Variants in TFEC observed in about 807,000 individuals in gnomAD.
The protein encoded by TFEC is transcription factor EC, also known as class E basic helix-loop-helix protein 34.
Under a neutral mutation model 41.6 loss-of-function variants are expected in TFEC, and 31 were observed. The observed-to-expected ratio is 0.74, with a 90% CI of 0.56 to 1.01. The LOEUF (loss-of-function observed/expected upper bound fraction) is 1.01. TFEC is among the 50% of genes least tolerant of loss of function. The pLI is 0.00. For missense variants in TFEC, 402 were observed against 404.1 expected (o/e 0.99, Z 0.04); for synonymous variants, 143 against 140.6 (o/e 1.02, Z -0.12).
intron 3 of TFEC, among the ~76,000 whole-genome samples, chr7:116,035,885 A>G (rs886441534): frequency 5.9e-5 from 9 of 152,172 alleles, no homozygotes; most frequent in Non-Finnish European, 1.2e-4. Flanking sequence ...AATTTCAAAT[A>G]CCTTAAAGAT....
intron 3 of TFEC, among the ~76,000 whole-genome samples, chr7:116,089,008 A>G (rs1449324471): frequency 2.0e-5 from 3 of 151,924 alleles, no homozygotes; most frequent in African/African-American, 4.8e-5. Flanking sequence ...CCTATTATTA[A>G]TCTCCTTGTG....
chr7:116,101,471 T>A (rs1310100099), intron 3 of TFEC, among the ~76,000 whole-genome samples: 3 of 152,178 alleles, frequency 2.0e-5, no homozygotes, highest in African/African-American at 7.2e-5. Context: ...AATCAGAAAG[T>A]AACAACTTTA....
At chr7:116,028,144 T>C (rs1795655573) in intron 1 of TFEC, among the ~76,000 whole-genome samples, 1 of 152,210 alleles carries the variant, frequency 6.6e-6, no homozygotes, top group South Asian at 2.1e-4. Context: ...ACATTTAACA[T>C]AAACTACCTC....
chr7:116,061,950 A>G (rs1796567471), intron 3 of TFEC, among the ~76,000 whole-genome samples: 1 of 152,140 alleles, frequency 6.6e-6, no homozygotes, highest in South Asian at 2.1e-4. Context: ...CTAAGTGTTA[A>G]TAAGGTTGTG....
Position 116,123,523 on chromosome 7 carries a change from C to CA in TFEC, c.-68-11486dup, listed in dbSNP as rs1004727654. Among the ~76,000 whole-genome samples the CA allele has an allele frequency of 4.3e-3, 633 of 148,920 alleles. 4 individuals are homozygous for CA. Among genetic ancestry groups the CA allele is most frequent in the African/African-American group, 0.012 (482 of 40,692 alleles). On this transcript the variant is annotated intron_variant, in intron 1 of 8. Coordinates refer to the TFEC transcript ENST00000484212. ...TCATTTTTGTCATGCCACTTCCCTA[C>CA]AAAAAAAAAATTGAATGCTTACGTG...
chr7:116,100,489 C>T (rs1797579208), intron 3 of TFEC, among the ~76,000 whole-genome samples: 1 of 152,016 alleles, frequency 6.6e-6, no homozygotes, highest in East Asian at 1.9e-4. Flanking sequence ...TGCTTTAGGG[C>T]ATAATTTGGT....
At chr7:116,071,520 C>T (rs1796828600) in intron 3 of TFEC, among the ~76,000 whole-genome samples, 1 of 151,264 alleles carries the variant, frequency 6.6e-6, no homozygotes, top group South Asian at 2.1e-4. Context: ...TTATTCTTAA[C>T]ATGATTTTAA....
intron 1 of TFEC, among the ~76,000 whole-genome samples, chr7:116,004,515 G>A (rs1794715116): frequency 6.6e-6 from 1 of 152,158 alleles, no homozygotes; most frequent in South Asian, 2.1e-4. Flanking sequence ...TCTGGTGAAG[G>A]TTATTGATAA....
At chr7:116,072,262 C>A (rs1256338326) in intron 3 of TFEC, among the ~76,000 whole-genome samples, 1 of 151,448 alleles carries the variant, frequency 6.6e-6, no homozygotes, top group African/African-American at 2.4e-5. Flanking sequence ...TTTATTGCTT[C>A]TTTTCCAATC....
chr7:116,136,813 A>C (rs1798442518), intron 1 of TFEC, among the ~76,000 whole-genome samples: 1 of 151,984 alleles, frequency 6.6e-6, no homozygotes, highest in South Asian at 2.1e-4. Flanking sequence ...ATCAGTATTT[A>C]ATTTTAGTGT....
At chr7:116,138,788 C>T (rs931164042) in intron 1 of TFEC, among the ~76,000 whole-genome samples, 1 of 152,116 alleles carries the variant, frequency 6.6e-6, no homozygotes, top group Non-Finnish European at 1.5e-5. Flanking sequence ...GTTCAGAAAA[C>T]TTTGGTAACA....
At chr7:115,983,346 A>T (rs1451232741) in intron 2 of TFEC, among the ~76,000 whole-genome samples, 2 of 152,102 alleles carry the variant, frequency 1.3e-5, no homozygotes, top group Non-Finnish European at 1.5e-5. Flanking sequence ...TGTTTAAAAA[A>T]ATTCTCTATC....
chr7:116,111,046 G>T, intron 2 of TFEC: 2 of 458,176 alleles, frequency 4.4e-6, no homozygotes, highest in Non-Finnish European at 7.2e-6. Flanking sequence ...ATTTGAAATA[G>T]AAAACAAACT....
In TFEC at chr7:115,956,634, T is replaced by A. The variant is rs780175209; in HGVS notation, c.382+45A>T. 3.6e-6 allele frequency: 5 copies of A among 1,395,954 alleles called. No individual in the cohort carries two copies. In the South Asian group the frequency reaches 6.2e-5, roughly 17 times the overall value. 86.5% of individuals were successfully genotyped at this position (1,395,954 alleles called of 1,614,324 possible). A position where few individuals can be genotyped will look rare whatever the true frequency, so the allele number is the denominator to read the frequency against. On this transcript the variant is annotated intron_variant, in intron 4 of 7. Transcript: ENST00000265440. ...CAATATATGTCACTCATAACTTATG[T>A]CATTAATAAAAATAAAAAGGGTAAA...
Position 116,009,590 on chromosome 7 carries a change from A to G in TFEC, c.-73+21043T>C, listed in dbSNP as rs566547899. ...TCACAGTATATTAGGGGAGATAAAT[A>G]TTTAAACATATAACTATAACACAAT... On this transcript the variant is annotated intron_variant, in intron 1 of 7. Coordinates refer to ENST00000265440, the MANE Select transcript of TFEC (RefSeq NM_012252.4). Among the ~76,000 whole-genome samples, 18 of 152,232 alleles carry G rather than the reference A, an allele frequency of 1.2e-4. No homozygotes were observed. In the East Asian group the frequency reaches 3.1e-3, roughly 26 times the overall value.
At chr7:116,149,700 G>T (rs1022675457) in intron 1 of TFEC, among the ~76,000 whole-genome samples, 1 of 152,092 alleles carries the variant, frequency 6.6e-6, no homozygotes, top group African/African-American at 2.4e-5. Flanking sequence ...ATGAAAACCA[G>T]CAATGTACAA....
rs10229962 is a variant in TFEC at position 115,938,070 on chromosome 7, G to T, written c.*2481C>A. ...CATAATCTGAATGTAGCAGCAAATA[G>T]CAGTTCCCTCTCCAGATCTCTTGTG... On this transcript the variant is annotated 3_prime_UTR_variant, in exon 8 of 8. Transcript: ENST00000265440. 0.85 allele frequency: 129,323 copies of T among 151,854 alleles called. 55,188 individuals are homozygous for T. The highest frequency in any genetic ancestry group is 0.89 in the Non-Finnish European group (60,061 of 67,832). The allele number at this position is 151,854 out of a possible 1,614,324, so 9.4% of individuals were successfully genotyped here.
At chr7:116,072,170 T>C in intron 3 of TFEC, among the ~76,000 whole-genome samples, 1 of 151,588 alleles carries the variant, frequency 6.6e-6, no homozygotes, top group African/African-American at 2.4e-5. Context: ...TTTTAATCTC[T>C]TTTTTTAGTT....
intron 2 of TFEC, among the ~76,000 whole-genome samples, chr7:115,981,909 C>T (rs1793648100): frequency 6.6e-6 from 1 of 152,086 alleles, no homozygotes; most frequent in Non-Finnish European, 1.5e-5. Flanking sequence ...AAACATGAAG[C>T]TCTATGGGGA....
Sources: allele counts gnomAD v4.1 joint callset (sites outside exome capture counted in the v4.1 genomes callset), GRCh38; gene constraint gnomAD v4.1.1; transcripts MANE v1.5; gene names NCBI Gene and HGNC (gene_info 2026-07-23, HGNC 2026-07-21).